Variants in CDK12 observed in about 807,000 individuals in gnomAD.
The protein encoded by CDK12 is cyclin-dependent kinase 12.
A neutral mutation model predicts 133.8 loss-of-function variants in CDK12; 17 were observed. That is an observed-to-expected ratio of 0.13 (90% CI 0.09 to 0.19). CDK12 has a LOEUF of 0.19. Among genes scored for constraint, CDK12 ranks in the 10% least tolerant of loss-of-function variants. CDK12 has a pLI of 1.00. For missense variants in CDK12, 1,508 were observed against 1,818.7 expected (o/e 0.83, Z 3.11); for synonymous variants, 694 against 683.6 (o/e 1.02, Z -0.24).
Position 39,515,749 on chromosome 17 carries a change from A to G in CDK12, c.2787A>G (p.Leu929=), listed in dbSNP as rs1164325692. The G allele has an allele frequency of 6.2e-7, 1 of 1,611,870 alleles. No homozygotes were observed. Among genetic ancestry groups the G allele is most frequent in the African/African-American group, 1.3e-5 (1 of 74,862 alleles). ...VWSCGCILGE[L]FTKKPIFQAN... is the part of the protein sequence containing the mutation. ...TTTCTAGATGTATTCTTGGGGAACTATTCACAAAGAAGCCTATTTTTCAAG... is the reference window on the plus strand; with the variant it reads ...TTTCTAGATGTATTCTTGGGGAACTGTTCACAAAGAAGCCTATTTTTCAAG... Residue 929 remains leucine (L), a synonymous_variant, in exon 9 of 14, where the codon CTA becomes CTG. Transcript: ENST00000447079.
At chr17:39,553,417 TAG>T (rs1000392495) in intron 2 of CDK12, among the ~76,000 whole-genome samples, 4 of 151,608 alleles carry the variant, frequency 2.6e-5, no homozygotes, top group African/African-American at 9.7e-5. Context: ...AGAAGGTAAC[TAG>T]AGAGGAAGCC....
At chr17:39,521,876 T>C (rs1281882520) in intron 11 of CDK12, among the ~76,000 whole-genome samples, 4 of 149,108 alleles carry the variant, frequency 2.7e-5, no homozygotes, top group African/African-American at 2.5e-5. Flanking sequence ...TTTTTTTTTT[T>C]CCAATTGTAG....
intron 2 of CDK12, among the ~76,000 whole-genome samples, chr17:39,474,259 CG>C (rs955418979): frequency 3.3e-5 from 5 of 152,142 alleles, no homozygotes; most frequent in African/African-American, 1.2e-4. Flanking sequence ...TAAGTGCCAC[CG>C]ATCTTGCATC....
Position 39,471,593 on chromosome 17 carries a change from T to C in CDK12, c.1761T>C (p.Ser587=), listed in dbSNP as rs766169590. The C allele has an allele frequency of 6.8e-6, 11 of 1,614,018 alleles. No homozygotes were observed. The highest frequency in any genetic ancestry group is 1.1e-5 in the South Asian group (1 of 91,086). Residue 587 remains serine (S), a synonymous_variant, in exon 2 of 14, where the codon TCT becomes TCC. Coordinates refer to ENST00000447079, the MANE Select transcript of CDK12 (RefSeq NM_016507.4). ...PASSTSTLPP[S]THSKTSAVSS... ...CCAGTACTTCAACTTTGCCCCCTTC[T>C]ACTCACTCAAAGACATCTGCTGTGT...
rs1276772414 is a variant in CDK12 at position 39,471,688 on chromosome 17, T to A, written c.1856T>A (p.Ile619Asn). ...ACTCAAGTATCTGTAACAGCTGCTATTCCACACCTGAAAACTTCAACGTTG... is the reference window on the plus strand; with the variant it reads ...ACTCAAGTATCTGTAACAGCTGCTAATCCACACCTGAAAACTTCAACGTTG... ...VKTQVSVTAA[I>N]PHLKTSTLPP... Residue 619 changes from isoleucine (I) to asparagine (N), a missense_variant, in exon 2 of 14, where the codon ATT (isoleucine) becomes AAT (asparagine). Physicochemically the swap from Ile to Asn is moderately radical, Grantham distance 149 (BLOSUM62 -3). Coordinates refer to ENST00000447079, the MANE Select transcript of CDK12 (RefSeq NM_016507.4). 1.9e-6 allele frequency: 3 copies of A among 1,613,996 alleles called. No individual in the cohort carries two copies. Among genetic ancestry groups the A allele is most frequent in the Non-Finnish European group, 2.5e-6 (3 of 1,179,978 alleles).
intron 13 of CDK12, among the ~76,000 whole-genome samples, chr17:39,526,935 C>A (rs1166029516): frequency 6.6e-6 from 1 of 151,792 alleles, no homozygotes; most frequent in Non-Finnish European, 1.5e-5. Flanking sequence ...TCAGGAAGTG[C>A]GTGTATTATA....
In CDK12 at chr17:39,463,109, A is replaced by G. The variant is rs767032014; in HGVS notation, c.1038A>G (p.Pro346=). 8.1e-6 allele frequency: 13 copies of G among 1,613,174 alleles called. No individual in the cohort carries two copies. In the Admixed American group the frequency reaches 2.0e-4, roughly 25 times the overall value. ...GCAAGCGGTCTCTGAGTCGGAGTCC[A>G]CTCCCCAGGTGAGCTATTTGTCTAA... ...FLSKRSLSRS[P]LPSRKSMKSR... Residue 346 remains proline (P), a synonymous_variant, in exon 1 of 14, where the codon CCA becomes CCG. Coordinates refer to ENST00000447079, the MANE Select transcript of CDK12 (RefSeq NM_016507.4).
At chr17:39,507,970 G>C (rs947369045) in intron 6 of CDK12, among the ~76,000 whole-genome samples, 27 of 152,090 alleles carry the variant, frequency 1.8e-4, no homozygotes, top group Non-Finnish European at 2.9e-5. Flanking sequence ...TTTTAATATT[G>C]TCACATGTCC....
chr17:39,490,276 A>G (rs2051480014), intron 2 of CDK12, among the ~76,000 whole-genome samples: 1 of 151,876 alleles, frequency 6.6e-6, no homozygotes, highest in South Asian at 2.1e-4. Flanking sequence ...CTGAGGTAGG[A>G]GAATCACTTG....
At chr17:39,494,476 T>C (rs752503721) in intron 4 of CDK12, 48 bp from the exon 5 acceptor site, 1 of 1,558,466 alleles carries the variant, frequency 6.4e-7, no homozygotes, top group Admixed American at 1.7e-5. Context: ...TTCACAATAG[T>C]GGCCAAAAAT....
At position 39,509,726 on chromosome 17, in the gene CDK12, T is replaced by C. The variant is rs748584261; in HGVS notation, c.2631T>C (p.Asp877=). The C allele has an allele frequency of 1.2e-6, 2 of 1,612,808 alleles. No homozygotes were observed. The highest frequency in any genetic ancestry group is 8.5e-7 in the Non-Finnish European group (1 of 1,178,806). Residue 877 remains aspartate (D), a synonymous_variant, in exon 7 of 14, where the codon GAT becomes GAC. Coordinates refer to ENST00000447079, the MANE Select transcript of CDK12 (RefSeq NM_016507.4). ...LNNSGQIKLA[D]FGLARLYNSE... ...ACAGTGGGCAAATCAAACTAGCAGA[T>C]TTTGGACTTGCTCGGCTCTATAACT...
rs548907071 is a variant in CDK12, at chr17:39,461,887, C to G, written c.-185C>G. 2 of 601,458 alleles carry G rather than the reference C, an allele frequency of 3.3e-6. No homozygotes were observed. Among genetic ancestry groups the G allele is most frequent in the Non-Finnish European group, 6.0e-6 (2 of 335,666 alleles). The allele number at this position is 601,458 out of a possible 1,614,324, so 37.3% of individuals were successfully genotyped here. ...TTTCTTCCCTCGCTCCTTCACCCCC[C>G]ACCTCATGTAGAAGGGTGCTGAGGC... On this transcript the variant is annotated 5_prime_UTR_variant, in exon 1 of 14. Coordinates refer to ENST00000447079, the MANE Select transcript of CDK12 (RefSeq NM_016507.4).
At position 39,464,705 on chromosome 17, in the gene CDK12, A is replaced by C. The variant is rs529663969; in HGVS notation, c.1046+1588A>C. Among the ~76,000 whole-genome samples, 20 of 151,928 alleles carry C rather than the reference A, an allele frequency of 1.3e-4. No individual in the cohort carries two copies. The South Asian group carries it at 1.7e-3, about 13-fold the overall frequency. On this transcript the variant is annotated intron_variant, in intron 1 of 13. Transcript: ENST00000447079. ...CCAGCACAGAAAGGTTGTAGTGAACACCCATATATGTAACAGCAAGATTCT... is the reference window on the plus strand; with the variant it reads ...CCAGCACAGAAAGGTTGTAGTGAACCCCCATATATGTAACAGCAAGATTCT...
chr17:39,494,462 C>T (rs1191965859), intron 4 of CDK12, 62 bp from the exon 5 acceptor site: 10 of 1,398,336 alleles, frequency 7.2e-6, no homozygotes, highest in Non-Finnish European at 1.0e-5. Flanking sequence ...GCATATATTG[C>T]TGGTTCACAA....
chr17:39,511,690 G>A, intron 8 of CDK12, 60 bp downstream of exon 8: 1 of 1,100,710 alleles, frequency 9.1e-7, no homozygotes, highest in Non-Finnish European at 1.4e-6. Flanking sequence ...CTTGTACTTT[G>A]TTTTCTCTGT....
intron 7 of CDK12, among the ~76,000 whole-genome samples, chr17:39,510,378 C>G (rs2053422646): frequency 6.6e-6 from 1 of 152,082 alleles, no homozygotes; most frequent in South Asian, 2.1e-4. Flanking sequence ...CTCAGCTTCT[C>G]AGAGTGCTGG....
intron 3 of CDK12, among the ~76,000 whole-genome samples, chr17:39,563,697 G>A (rs1356724457): frequency 6.6e-6 from 1 of 152,126 alleles, no homozygotes; most frequent in Non-Finnish European, 1.5e-5. Context: ...AGCGCAGGAT[G>A]GCGGAGGAAG....
At chr17:39,483,706 ATTTATTT>A in intron 2 of CDK12, among the ~76,000 whole-genome samples, 1 of 150,658 alleles carries the variant, frequency 6.6e-6, no homozygotes, top group Middle Eastern at 3.4e-3. Flanking sequence ...TTATTTATTT[ATTTATTT>A]ATTTATTTAT....
intron 5 of CDK12, among the ~76,000 whole-genome samples, chr17:39,495,337 C>T (rs1022816393): frequency 5.3e-5 from 8 of 150,390 alleles, no homozygotes; most frequent in Admixed American, 1.3e-4. Context: ...CTCGGCCCCT[C>T]GAAGTGCTGG....
Sources: allele counts gnomAD v4.1 joint callset (sites outside exome capture counted in the v4.1 genomes callset), GRCh38; gene constraint gnomAD v4.1.1; transcripts MANE v1.5; gene names NCBI Gene and HGNC (gene_info 2026-07-23, HGNC 2026-07-21).